Variants in CNTNAP2 observed in about 807,000 individuals in gnomAD.
CNTNAP2 encodes the protein contactin associated protein 2, also known as contactin-associated protein-like 2.
Under a neutral mutation model 155.2 loss-of-function variants are expected in CNTNAP2, and 98 were observed. The ratio of observed to expected loss-of-function variants is 0.63; its 90% CI spans 0.54 to 0.75. CNTNAP2 has a LOEUF of 0.75. CNTNAP2 is among the 30% of genes least tolerant of loss of function. The pLI is 0.00. For synonymous variants in CNTNAP2, 651 were observed against 631.2 expected, an observed-to-expected ratio of 1.03 and a Z score of -0.47; for missense variants, 1,727 against 1,688.1, an observed-to-expected ratio of 1.02 and a Z score of -0.40.
rs34296005 is a variant in CNTNAP2 at position 147,120,791 on chromosome 7, A to T, written c.755-188A>T. Among the ~76,000 whole-genome samples the T allele has an allele frequency of 0.21, 31,682 of 151,132 alleles. 3,987 individuals are homozygous for T. The highest frequency in any genetic ancestry group is 0.28 in the Non-Finnish European group (19,241 of 67,892). On this transcript the variant is annotated intron_variant, in intron 5 of 23. Transcript: ENST00000361727. ...ATGCTATCCCTCCCCCCTACCCCCA[A>T]CCCACAACAGTCCCCAGAACATAAA...
chr7:146,133,047 T>TA (rs1279300548), intron 1 of CNTNAP2, among the ~76,000 whole-genome samples: 3 of 146,866 alleles, frequency 2.0e-5, no homozygotes, highest in African/African-American at 7.8e-5. Flanking sequence ...AAAGTGTTCC[T>TA]ATTTCTCCAC....
At chr7:146,822,324 C>G (rs920102020) in intron 2 of CNTNAP2, among the ~76,000 whole-genome samples, 2 of 151,704 alleles carry the variant, frequency 1.3e-5, no homozygotes, top group Admixed American at 6.6e-5. Context: ...CCTGTTGTGG[C>G]GTGGGGGCAG....
Position 146,881,755 on chromosome 7 carries a change from A to ATTTT in CNTNAP2, c.402+41868_402+41871dup, listed in dbSNP as rs11416504. On this transcript the variant is annotated intron_variant, in intron 3 of 23. Transcript: ENST00000361727. ...TGTGCTTGGTGAACTGATCCCTATAATTTTTTTTTTTTTTTTTTTTACAAA... is the reference window on the plus strand; with the variant it reads ...TGTGCTTGGTGAACTGATCCCTATAATTTTTTTTTTTTTTTTTTTTTTTTACAAA... 7.5e-3 allele frequency among the ~76,000 whole-genome samples: 923 copies of ATTTT among 123,638 alleles called. 20 individuals carry two copies. Among genetic ancestry groups the ATTTT allele is most frequent in the African/African-American group, 0.023 (746 of 32,134 alleles). The allele number at this position is 123,638 out of a possible 152,430, so 81.1% of individuals were successfully genotyped here.
chr7:146,128,790 C>A (rs1739818902), intron 1 of CNTNAP2, among the ~76,000 whole-genome samples: 2 of 151,810 alleles, frequency 1.3e-5, no homozygotes, highest in South Asian at 4.1e-4. Context: ...GTTTTGATAG[C>A]TAAAAGCATC....
intron 8 of CNTNAP2, among the ~76,000 whole-genome samples, chr7:147,230,146 A>G (rs1327595495): frequency 6.6e-6 from 1 of 152,218 alleles, no homozygotes. Flanking sequence ...GAGGTTTCAT[A>G]AACTGTTATT....
At chr7:146,532,327 A>T (rs948531623) in intron 1 of CNTNAP2, among the ~76,000 whole-genome samples, 1 of 152,184 alleles carries the variant, frequency 6.6e-6, no homozygotes, top group Admixed American at 6.5e-5. Flanking sequence ...CATGATTATT[A>T]TAAAAATATG....
At chr7:146,422,600 A>G (rs1584918026) in intron 1 of CNTNAP2, among the ~76,000 whole-genome samples, 1 of 152,144 alleles carries the variant, frequency 6.6e-6, no homozygotes, top group East Asian at 1.9e-4. Flanking sequence ...CACACAACAC[A>G]AAATATCCAC....
intron 13 of CNTNAP2, among the ~76,000 whole-genome samples, chr7:147,841,548 CA>C (rs559685720): frequency 2.7e-5 from 4 of 149,242 alleles, no homozygotes; most frequent in East Asian, 1.9e-4. Flanking sequence ...CTCTGTTTTG[CA>C]AAAAAAAAGA....
chr7:146,751,205 G>A lies in CNTNAP2; in HGVS notation c.98-23066G>A, dbSNP rs7808060. Among the ~76,000 whole-genome samples, 191 of 152,164 alleles carry A rather than the reference G, an allele frequency of 1.3e-3. 1 individual carries two copies. Among genetic ancestry groups the A allele is most frequent in the African/African-American group, 4.4e-3 (181 of 41,514 alleles). ...TGAACATTTACAAATGCTCAAATTCGAGCATACAAATTTGAGTATACAAAT... is the reference window on the plus strand; with the variant it reads ...TGAACATTTACAAATGCTCAAATTCAAGCATACAAATTTGAGTATACAAAT... On this transcript the variant is annotated intron_variant, in intron 1 of 23. Coordinates refer to ENST00000361727, the MANE Select transcript of CNTNAP2 (RefSeq NM_014141.6).
At chr7:146,451,188 T>C (rs1255259408) in intron 1 of CNTNAP2, among the ~76,000 whole-genome samples, 9 of 152,138 alleles carry the variant, frequency 5.9e-5, no homozygotes, top group South Asian at 2.1e-4. Context: ...CCTCGTGATC[T>C]GCCCACCTTG....
At chr7:147,680,064 A>T (rs1385674506) in intron 13 of CNTNAP2, among the ~76,000 whole-genome samples, 1 of 151,750 alleles carries the variant, frequency 6.6e-6, no homozygotes, top group African/African-American at 2.4e-5. Flanking sequence ...CTTCACTCAA[A>T]TTACCATTTC....
chr7:146,940,481 C>T (rs551578834), intron 3 of CNTNAP2, among the ~76,000 whole-genome samples: 1 of 152,158 alleles, frequency 6.6e-6, no homozygotes, highest in South Asian at 2.1e-4. Flanking sequence ...GCGTGAGCCA[C>T]CGCACCCAGC....
chr7:148,315,809 C>G (rs991856553), intron 21 of CNTNAP2, among the ~76,000 whole-genome samples: 1 of 152,158 alleles, frequency 6.6e-6, no homozygotes, highest in Non-Finnish European at 1.5e-5. Context: ...ATAAGTCCTG[C>G]TTTGCCTACC....
At chr7:146,761,247 C>T (rs960684549) in intron 1 of CNTNAP2, among the ~76,000 whole-genome samples, 34 of 146,924 alleles carry the variant, frequency 2.3e-4, no homozygotes, top group Admixed American at 9.7e-4. Flanking sequence ...CAAGTTAATA[C>T]GCAGATGAAT....
At chr7:148,412,654 A>T (rs1799870241) in intron 23 of CNTNAP2, among the ~76,000 whole-genome samples, 1 of 152,058 alleles carries the variant, frequency 6.6e-6, no homozygotes, top group Non-Finnish European at 1.5e-5. Context: ...GAATAATGAG[A>T]TTTTTTTACT....
At chr7:148,099,735 T>A (rs1804054674) in intron 15 of CNTNAP2, among the ~76,000 whole-genome samples, 1 of 151,960 alleles carries the variant, frequency 6.6e-6, no homozygotes, top group South Asian at 2.1e-4. Context: ...AAAAACCAGT[T>A]AGTTCCTAGC....
At chr7:146,463,480 G>T (rs73462764) in intron 1 of CNTNAP2, among the ~76,000 whole-genome samples, 2 of 151,774 alleles carry the variant, frequency 1.3e-5, no homozygotes, top group Non-Finnish European at 2.9e-5. Context: ...TGTTAACCAC[G>T]TGTCAGGAAC....
chr7:146,218,382 G>C (rs554595615), intron 1 of CNTNAP2, among the ~76,000 whole-genome samples: 129 of 152,124 alleles, frequency 8.5e-4, no homozygotes, highest in Admixed American at 1.3e-3. Context: ...GGTGGCGGGC[G>C]CCCGTAGTCC....
intron 13 of CNTNAP2, among the ~76,000 whole-genome samples, chr7:147,675,363 ATT>A (rs1263118221): frequency 6.6e-6 from 1 of 152,082 alleles, no homozygotes; most frequent in African/African-American, 2.4e-5. Flanking sequence ...ATAAGATCAC[ATT>A]TCCAGGTGCT....
Sources: allele counts gnomAD v4.1 joint callset (sites outside exome capture counted in the v4.1 genomes callset), GRCh38; gene constraint gnomAD v4.1.1; transcripts MANE v1.5; gene names NCBI Gene and HGNC (gene_info 2026-07-23, HGNC 2026-07-21).